PHF20L1: variants seen among roughly 807,000 people sequenced by gnomAD.
PHF20L1 encodes the protein PHD finger protein 20-like protein 1.
A neutral mutation model predicts 125.5 loss-of-function variants in PHF20L1; 44 were observed. The ratio of observed to expected loss-of-function variants is 0.35; its 90% confidence interval spans 0.28 to 0.45. PHF20L1 has a LOEUF of 0.45. Among genes scored for constraint, PHF20L1 ranks in the 20% least tolerant of loss-of-function variants. PHF20L1 has a pLI of 1.00. For synonymous variants in PHF20L1, 380 were observed against 403.1 expected (o/e 0.94, Z 0.69); for missense variants, 1,012 against 1,217.2 (o/e 0.83, Z 2.51).
chr8:132,820,282 A>T (rs956808635), intron 12 of PHF20L1, among the ~76,000 whole-genome samples: 2 of 151,762 alleles, frequency 1.3e-5, no homozygotes, highest in Non-Finnish European at 2.9e-5. Context: ...ATCTGGGAGG[A>T]TAGAGTAAAT....
chr8:132,825,307 C>T lies in PHF20L1; in HGVS notation c.1680C>T (p.Asp560=), dbSNP rs2131784469. ...ATAAGGAAAGAAGAGAGAAGAGAGACAAAGATCACTACAGACCAAAACAGA... is the reference window on the plus strand; with the variant it reads ...ATAAGGAAAGAAGAGAGAAGAGAGATAAAGATCACTACAGACCAAAACAGA... ...EKDKERREKR[D]KDHYRPKQKK... is the part of the protein sequence containing the mutation. The change falls in exon 14 of 21, where the codon GAC becomes GAT. Residue 560 remains aspartate, a synonymous_variant. Transcript: ENST00000395386. 6.6e-7 allele frequency: 1 copy of T among 1,526,264 alleles called. No homozygotes were observed. Among genetic ancestry groups the T allele is most frequent in the East Asian group, 2.3e-5 (1 of 43,904 alleles). 94.5% of individuals were successfully genotyped at this position (1,526,264 alleles called of 1,614,324 possible). A position where few individuals can be genotyped will look rare whatever the true frequency, so the allele number is the denominator to read the frequency against.
At chr8:132,790,580 T>C (rs561279018) in intron 2 of PHF20L1, among the ~76,000 whole-genome samples, 1 of 152,348 alleles carries the variant, frequency 6.6e-6, no homozygotes, top group South Asian at 2.1e-4. Flanking sequence ...CTTTACTACT[T>C]ACCATGTAGT....
rs1437561768 is a variant in PHF20L1 at position 132,847,641 on chromosome 8, A to G, written c.*1718A>G. On this transcript the variant is annotated 3_prime_UTR_variant, in exon 21 of 21. Coordinates refer to ENST00000395386, the MANE Select transcript of PHF20L1 (RefSeq NM_016018.5). ...TATATTTTGATGTAAAGATTAAAAG[A>G]ATGTGCAAAACAGTCAGAAATTTTT... 1 of 152,578 alleles carries G rather than the reference A, an allele frequency of 6.6e-6. No individual in the cohort carries two copies. The highest frequency in any genetic ancestry group is 2.4e-5 in the African/African-American group (1 of 41,446). The allele number at this position is 152,578 out of a possible 1,614,324, so 9.5% of individuals were successfully genotyped here.
chr8:132,795,821 TAAC>T (rs970485038), intron 4 of PHF20L1, among the ~76,000 whole-genome samples: 9 of 152,088 alleles, frequency 5.9e-5, no homozygotes, highest in African/African-American at 9.7e-5. Flanking sequence ...AGTAAGAAGT[TAAC>T]AATAATAAAA....
At chr8:132,816,786 A>C in intron 10 of PHF20L1, 102 bp from the exon 11 acceptor site, 1 of 806,116 alleles carries the variant, frequency 1.2e-6, no homozygotes. Context: ...TAACAACATC[A>C]GAGGGAAGAA....
intron 9 of PHF20L1, chr8:132,812,811 TTAAAG>T (rs1834548391): frequency 1.3e-5 from 13 of 982,634 alleles, no homozygotes; most frequent in Non-Finnish European, 1.6e-5. Context: ...TCCTAATGAG[TTAAAG>T]TAATGTCACT....
At chr8:132,795,780 A>T (rs1832317226) in intron 4 of PHF20L1, among the ~76,000 whole-genome samples, 1 of 152,128 alleles carries the variant, frequency 6.6e-6, no homozygotes. Flanking sequence ...CATGTATATG[A>T]ATGATAAAGT....
chr8:132,779,132 T>C (rs1481258172), intron 2 of PHF20L1, among the ~76,000 whole-genome samples: 1 of 152,150 alleles, frequency 6.6e-6, no homozygotes, highest in Non-Finnish European at 1.5e-5. Flanking sequence ...AGCTCCACTT[T>C]AGGACAGTTT....
At chr8:132,817,235 T>C in intron 11 of PHF20L1, 104 bp from the exon 12 acceptor site, 1 of 1,037,126 alleles carries the variant, frequency 9.6e-7, no homozygotes, top group Non-Finnish European at 1.4e-6. Flanking sequence ...GTGCCTTCTT[T>C]GTGCCAGGCA....
chr8:132,812,382 T>C, intron 9 of PHF20L1: 1 of 984,904 alleles, frequency 1.0e-6, no homozygotes, highest in Non-Finnish European at 1.2e-6. Flanking sequence ...AAAGTACTTA[T>C]TAAATGTGGA....
chr8:132,807,036 G>A (rs374269676), intron 8 of PHF20L1: 12 of 151,886 alleles, frequency 7.9e-5, no homozygotes, highest in East Asian at 3.9e-4. Flanking sequence ...TTTTTCAGAG[G>A]TTCCAAATAG....
intron 12 of PHF20L1, chr8:132,818,593 A>T (rs1049490229): frequency 2.0e-5 from 3 of 151,870 alleles, no homozygotes; most frequent in African/African-American, 7.2e-5. Context: ...TATCATGTTT[A>T]AAAAAATAAA....
intron 4 of PHF20L1, among the ~76,000 whole-genome samples, chr8:132,796,252 C>G (rs939345242): frequency 6.6e-6 from 1 of 151,824 alleles, no homozygotes; most frequent in Non-Finnish European, 1.5e-5. Flanking sequence ...ATGAAAGATT[C>G]GTTTATAGGT....
chr8:132,792,138 C>G (rs1209648275), intron 2 of PHF20L1, among the ~76,000 whole-genome samples: 1 of 151,934 alleles, frequency 6.6e-6, no homozygotes, highest in Non-Finnish European at 1.5e-5. Flanking sequence ...TTTTTTTATT[C>G]AAAATGTAAA....
chr8:132,785,644 C>G (rs1019634579), intron 2 of PHF20L1, among the ~76,000 whole-genome samples: 38 of 152,168 alleles, frequency 2.5e-4, no homozygotes, highest in African/African-American at 9.1e-4. Flanking sequence ...ATGGTTAGCA[C>G]ATAAGAATAT....
At chr8:132,815,588 T>G (rs553048761) in intron 10 of PHF20L1, 65 of 150,428 alleles carry the variant, frequency 4.3e-4, no homozygotes, top group Non-Finnish European at 5.2e-4. Flanking sequence ...TAAATGATGG[T>G]TTTTTTTGCT....
intron 14 of PHF20L1, 102 bp downstream of exon 14, chr8:132,825,473 TC>T: frequency 2.1e-6 from 2 of 936,952 alleles, no homozygotes. Context: ...GATCCCCGTG[TC>T]CCGTGTTGAG....
intron 17 of PHF20L1, chr8:132,838,304 T>C (rs1837585526): frequency 5.9e-6 from 1 of 170,016 alleles, no homozygotes; most frequent in Admixed American, 5.5e-5. Flanking sequence ...GGCTTATTTG[T>C]GGCAATCGGA....
chr8:132,844,779 G>A (rs1838267821), intron 20 of PHF20L1, among the ~76,000 whole-genome samples: 1 of 152,030 alleles, frequency 6.6e-6, no homozygotes, highest in Non-Finnish European at 1.5e-5. Flanking sequence ...TTTTAAAATT[G>A]TGTCATCACA....
Sources: gnomAD v4.1 joint callset for allele counts (sites outside exome capture counted in the v4.1 genomes callset) on GRCh38, gnomAD v4.1.1 for gene constraint, MANE v1.5 for transcripts, NCBI Gene and HGNC (gene_info 2026-07-23, HGNC 2026-07-21) for gene names.